Variants in OR3A2 observed in about 807,000 individuals in gnomAD.
The protein encoded by OR3A2 is olfactory receptor 3A2.
For synonymous variants in OR3A2, 126 were observed against 159.3 expected (o/e 0.79, Z 1.57); for missense variants, 318 against 392.8 (o/e 0.81, Z 1.61).
At chr17:3,306,687 A>AAAAAAAC (rs1567549163) in intron 3 of OR3A2, among the ~76,000 whole-genome samples, 1 of 149,208 alleles carries the variant, frequency 6.7e-6, no homozygotes, top group East Asian at 1.9e-4. Context: ...TTCAAAAAAA[A>AAAAAAAC]AAAAAAAACC....
chr17:3,317,060 T>C (rs1313236804), intron 3 of OR3A2, among the ~76,000 whole-genome samples: 1 of 152,200 alleles, frequency 6.6e-6, no homozygotes, highest in Admixed American at 6.5e-5. Flanking sequence ...GACTATGAGC[T>C]ATTAAACGGA....
intron 1 of OR3A2, among the ~76,000 whole-genome samples, chr17:3,279,525 G>A (rs892617880): frequency 6.6e-6 from 1 of 152,230 alleles, no homozygotes; most frequent in Non-Finnish European, 1.5e-5. Context: ...TGGGCGTGGT[G>A]GCTCACGCCT....
At chr17:3,330,726 T>C (rs2049224485) in intron 3 of OR3A2, among the ~76,000 whole-genome samples, 1 of 152,116 alleles carries the variant, frequency 6.6e-6, no homozygotes, top group African/African-American at 2.4e-5. Context: ...ACAGTTAATA[T>C]TGTTATGTGT....
intron 3 of OR3A2, among the ~76,000 whole-genome samples, chr17:3,300,296 C>T (rs1034527687): frequency 2.9e-4 from 44 of 152,292 alleles, no homozygotes; most frequent in Middle Eastern, 6.8e-3. Context: ...CAGTGGCTTA[C>T]GCCTGTAATC....
At chr17:3,345,389 G>A (rs2049353794) in intron 2 of OR3A2, among the ~76,000 whole-genome samples, 1 of 150,776 alleles carries the variant, frequency 6.6e-6, no homozygotes, top group Non-Finnish European at 1.5e-5. Context: ...ATCAGAGAGA[G>A]TACAAGACCA....
At chr17:3,344,301 C>A (rs916654412) in intron 2 of OR3A2, among the ~76,000 whole-genome samples, 3 of 145,270 alleles carry the variant, frequency 2.1e-5, no homozygotes, top group African/African-American at 7.8e-5. Flanking sequence ...TAAAAATACC[C>A]TGAAGAAGAA....
chr17:3,283,695 C>G (rs1315746774), intron 1 of OR3A2, among the ~76,000 whole-genome samples: 2 of 152,106 alleles, frequency 1.3e-5, no homozygotes, highest in Non-Finnish European at 2.9e-5. Flanking sequence ...GCAGGGACTC[C>G]TCTGTGTTAA....
chr17:3,348,905 C>T (rs914932650), intron 2 of OR3A2, among the ~76,000 whole-genome samples: 2 of 151,996 alleles, frequency 1.3e-5, no homozygotes, highest in Non-Finnish European at 2.9e-5. Context: ...GAATTTTCAA[C>T]CCAGAATTTC....
chr17:3,321,230 G>C (rs939397008), intron 3 of OR3A2, among the ~76,000 whole-genome samples: 1 of 151,616 alleles, frequency 6.6e-6, no homozygotes, highest in Non-Finnish European at 1.5e-5. Context: ...CATTGATTTT[G>C]TATCCTGAGA....
intron 3 of OR3A2, among the ~76,000 whole-genome samples, chr17:3,332,319 G>A (rs546813334): frequency 0.017 from 2,585 of 152,232 alleles, 32 homozygotes; most frequent in Middle Eastern, 0.075. Flanking sequence ...CCTCGCTGCC[G>A]CCTTGCAGTT....
At chr17:3,312,546 C>T (rs1245560638) in intron 3 of OR3A2, among the ~76,000 whole-genome samples, 1 of 152,194 alleles carries the variant, frequency 6.6e-6, no homozygotes, top group Non-Finnish European at 1.5e-5. Flanking sequence ...ATTCTCACAA[C>T]CTGCCCCCGC....
chr17:3,292,135 C>T lies in OR3A2; in HGVS notation c.-84-12982G>A, dbSNP rs2048877498. Reference sequence around the variant, plus strand: ...TTGGTGAAAGCACAAGCCCAGGACGCAGCCACCAACATCCTCTGGACTGTC... The same window carrying T: ...TTGGTGAAAGCACAAGCCCAGGACGTAGCCACCAACATCCTCTGGACTGTC... On this transcript the variant is annotated intron_variant, in intron 3 of 4. Transcript: ENST00000573491. The T allele has an allele frequency of 1.2e-6, 2 of 1,614,146 alleles. No individual in the cohort carries two copies. The highest frequency in any genetic ancestry group is 2.2e-5 in the East Asian group (1 of 44,874).
chr17:3,292,528 C>T (rs1218803117), intron 3 of OR3A2: 2 of 1,613,874 alleles, frequency 1.2e-6, no homozygotes, highest in Non-Finnish European at 1.7e-6. Flanking sequence ...TCCAGCAAGC[C>T]CAGCAGGATG....
chr17:3,298,825 G>A (rs191130145), intron 3 of OR3A2, among the ~76,000 whole-genome samples: 1 of 152,280 alleles, frequency 6.6e-6, no homozygotes, highest in Non-Finnish European at 1.5e-5. Context: ...GGCCATATAC[G>A]AGAAAACGAG....
rs370063425 is a variant in OR3A2 at position 3,354,453 on chromosome 17, T to C, written c.-178-18327A>G. ...AGGAGACCTTTTATTATGACTTTCATCTCATTATTATTATTGGTCTATTTG... is the reference window on the plus strand; with the variant it reads ...AGGAGACCTTTTATTATGACTTTCACCTCATTATTATTATTGGTCTATTTG... On this transcript the variant is annotated intron_variant, in intron 2 of 4. Transcript: ENST00000573491. 7.1e-4 allele frequency among the ~76,000 whole-genome samples: 107 copies of C among 151,356 alleles called. No homozygotes were observed. In the South Asian group the frequency reaches 0.022, roughly 31 times the overall value.
At chr17:3,302,969 T>A (rs1362423591) in intron 3 of OR3A2, among the ~76,000 whole-genome samples, 2 of 152,236 alleles carry the variant, frequency 1.3e-5, no homozygotes, top group African/African-American at 4.8e-5. Context: ...TTAAATAGTG[T>A]TATATTTGAG....
intron 2 of OR3A2, among the ~76,000 whole-genome samples, chr17:3,348,787 T>G (rs2049392824): frequency 6.6e-6 from 1 of 152,074 alleles, no homozygotes; most frequent in Non-Finnish European, 1.5e-5. Context: ...GAGAGAAAGG[T>G]CGGGTTACCC....
intron 2 of OR3A2, among the ~76,000 whole-genome samples, chr17:3,348,400 C>T (rs750335901): frequency 1.5e-4 from 22 of 151,662 alleles, no homozygotes; most frequent in African/African-American, 3.2e-4. Context: ...CCTCAGGAGC[C>T]GATGCGATCA....
chr17:3,309,126 G>C (rs1167784710), intron 3 of OR3A2, among the ~76,000 whole-genome samples: 2 of 152,014 alleles, frequency 1.3e-5, no homozygotes, highest in Non-Finnish European at 2.9e-5. Flanking sequence ...GGCTGGTCTC[G>C]AACTCCTGAC....
Sources: allele counts gnomAD v4.1 joint callset (sites outside exome capture counted in the v4.1 genomes callset), GRCh38; gene constraint gnomAD v4.1.1; transcripts MANE v1.5; gene names NCBI Gene and HGNC (gene_info 2026-07-23, HGNC 2026-07-21).